Variants in CNTNAP2 observed in about 807,000 individuals in gnomAD.
The protein encoded by CNTNAP2 is contactin associated protein 2.
CNTNAP2 carries 98 observed loss-of-function variants against 155.2 expected under a neutral mutation model. The observed-to-expected ratio is 0.63, with a 90% CI of 0.54 to 0.75. The LOEUF is 0.75. Among genes scored for constraint, CNTNAP2 ranks in the 30% least tolerant of loss-of-function variants. The pLI, the probability that CNTNAP2 is intolerant of heterozygous loss-of-function variation, is 0.00. For synonymous variants in CNTNAP2, 651 were observed against 631.2 expected (o/e 1.03, Z -0.47); for missense variants, 1,727 against 1,688.1 (o/e 1.02, Z -0.40).
intron 22 of CNTNAP2, among the ~76,000 whole-genome samples, chr7:148,385,745 T>TGTTTGTTTGTTTGTTTG (rs1563067643): frequency 7.7e-5 from 8 of 104,366 alleles, no homozygotes; most frequent in African/African-American, 2.8e-4. Context: ...GGTTTTTTTT[T>TGTTTGTTTGTTTGTTTG]TTTTTTTTTT....
chr7:147,721,906 C>A (rs1344060890), intron 13 of CNTNAP2, among the ~76,000 whole-genome samples: 1 of 152,108 alleles, frequency 6.6e-6, no homozygotes, highest in Non-Finnish European at 1.5e-5. Context: ...ACTTCATAGG[C>A]AATTGTTTAC....
intron 3 of CNTNAP2, among the ~76,000 whole-genome samples, chr7:147,041,522 C>T (rs1024892195): frequency 5.3e-5 from 8 of 152,170 alleles, no homozygotes; most frequent in African/African-American, 1.9e-4. Context: ...TCTCTCTTGT[C>T]TTTCAAACAC....
chr7:147,953,220 T>G (rs568206682), intron 14 of CNTNAP2, among the ~76,000 whole-genome samples: 2 of 152,310 alleles, frequency 1.3e-5, no homozygotes, highest in Admixed American at 1.3e-4. Context: ...CCATTGTCTC[T>G]TCCCCCTAAA....
At chr7:147,345,343 A>T (rs1002442864) in intron 9 of CNTNAP2, among the ~76,000 whole-genome samples, 1 of 152,180 alleles carries the variant, frequency 6.6e-6, no homozygotes, top group African/African-American at 2.4e-5. Flanking sequence ...CTTTATGTAA[A>T]AGCTTACATA....
rs548906932 is a variant in CNTNAP2 at position 148,328,272 on chromosome 7, GA to G, written c.3476-55374del. 2.3e-3 allele frequency among the ~76,000 whole-genome samples: 350 copies of G among 152,232 alleles called. 1 individual carries two copies. Among genetic ancestry groups the G allele is most frequent in the African/African-American group, 7.9e-3 (328 of 41,538 alleles). On this transcript the variant is annotated intron_variant, in intron 21 of 23. Transcript: ENST00000361727. ...CCGGGGCTGGAGCTTGTTGGCCCGG[GA>G]AAGCTGGAGGAGGGCTGCCTGACAC...
chr7:148,329,549 G>A (rs1235601740), intron 21 of CNTNAP2, among the ~76,000 whole-genome samples: 2 of 152,182 alleles, frequency 1.3e-5, no homozygotes, highest in Admixed American at 1.3e-4. Flanking sequence ...GACAGAGGCT[G>A]AAGATGGCCC....
intron 1 of CNTNAP2, among the ~76,000 whole-genome samples, chr7:146,734,154 A>G (rs891583888): frequency 3.3e-5 from 5 of 152,136 alleles, no homozygotes; most frequent in African/African-American, 1.2e-4. Context: ...AAGGTGAGGT[A>G]CAGAGGTACA....
intron 10 of CNTNAP2, among the ~76,000 whole-genome samples, chr7:147,398,208 T>C (rs976507344): frequency 1.3e-5 from 2 of 152,062 alleles, no homozygotes; most frequent in Non-Finnish European, 2.9e-5. Context: ...AGAGCAGTGA[T>C]GTATCCAGAT....
chr7:148,362,441 T>C (rs988724912), intron 21 of CNTNAP2, among the ~76,000 whole-genome samples: 1 of 152,180 alleles, frequency 6.6e-6, no homozygotes, highest in African/African-American at 2.4e-5. Context: ...ACATAGCTTT[T>C]TGGGGCACAC....
chr7:147,832,169 AAC>A (rs1185370181), intron 13 of CNTNAP2, among the ~76,000 whole-genome samples: 95 of 71,774 alleles, frequency 1.3e-3, no homozygotes, highest in African/African-American at 5.1e-3. Flanking sequence ...TAATTATATA[AAC>A]ATTTAATTAA....
chr7:147,045,419 C>G (rs1799338623), intron 4 of CNTNAP2, among the ~76,000 whole-genome samples: 1 of 152,084 alleles, frequency 6.6e-6, no homozygotes, highest in Non-Finnish European at 1.5e-5. Flanking sequence ...CGAATACTGT[C>G]TTATTAATTC....
rs548623738 is a variant in CNTNAP2 at position 146,353,633 on chromosome 7, A to C, written c.97+236660A>C. ...AAAAAATTTTCAAATCTACTAAGGT[A>C]GTTTGAAATCCTCTTAAATAAGAAC... On this transcript the variant is annotated intron_variant, in intron 1 of 23. Coordinates refer to ENST00000361727, the MANE Select transcript of CNTNAP2 (RefSeq NM_014141.6). 3.1e-4 allele frequency among the ~76,000 whole-genome samples: 47 copies of C among 152,312 alleles called. No individual in the cohort carries two copies. The South Asian group carries it at 9.3e-3, about 30-fold the overall frequency.
chr7:146,918,840 C>T (rs1382859641), intron 3 of CNTNAP2, among the ~76,000 whole-genome samples: 2 of 152,136 alleles, frequency 1.3e-5, no homozygotes, highest in Non-Finnish European at 2.9e-5. Flanking sequence ...GGTCATTTAC[C>T]ATAATTGCAA....
chr7:146,524,243 T>C (rs1366390567), intron 1 of CNTNAP2, among the ~76,000 whole-genome samples: 1 of 152,140 alleles, frequency 6.6e-6, no homozygotes, highest in East Asian at 1.9e-4. Context: ...AATTTTTCCT[T>C]ATCTCTGGTA....
At chr7:147,184,965 A>AAT (rs1277362779) in intron 8 of CNTNAP2, among the ~76,000 whole-genome samples, 2 of 152,198 alleles carry the variant, frequency 1.3e-5, no homozygotes, top group Non-Finnish European at 2.9e-5. Context: ...CAGCCATGTA[A>AAT]ATACTGTCTA....
intron 3 of CNTNAP2, among the ~76,000 whole-genome samples, chr7:147,000,997 T>A (rs1018990353): frequency 1.3e-5 from 2 of 152,102 alleles, no homozygotes; most frequent in African/African-American, 4.8e-5. Context: ...TACCTAATGC[T>A]GGTTTTTACT....
chr7:148,414,711 C>CTAGAG (rs1799937202), intron 23 of CNTNAP2: 1 of 152,448 alleles, frequency 6.6e-6, no homozygotes, highest in Admixed American at 6.5e-5. Context: ...CAGGACAGAG[C>CTAGAG]TAGAGTAGTC....
intron 15 of CNTNAP2, among the ~76,000 whole-genome samples, chr7:148,077,617 T>C (rs1006558037): frequency 3.3e-5 from 5 of 152,198 alleles, no homozygotes; most frequent in Non-Finnish European, 7.3e-5. Context: ...ACGTTGTTTG[T>C]TTGAAAATCT....
intron 13 of CNTNAP2, among the ~76,000 whole-genome samples, chr7:147,822,073 G>A (rs1415505255): frequency 2.6e-5 from 4 of 152,098 alleles, no homozygotes; most frequent in South Asian, 2.1e-4. Context: ...GAAACTGTCC[G>A]CTAGATTTAG....
Sources: allele counts gnomAD v4.1 joint callset (sites outside exome capture counted in the v4.1 genomes callset), GRCh38; gene constraint gnomAD v4.1.1; transcripts MANE v1.5; gene names NCBI Gene and HGNC (gene_info 2026-07-23, HGNC 2026-07-21).